Variants in PATJ observed in about 807,000 individuals in gnomAD.
PATJ encodes the protein inaD-like protein.
Under a neutral mutation model 224.9 loss-of-function variants are expected in PATJ, and 190 were observed. The observed-to-expected ratio is 0.84, with a 90% CI of 0.75 to 0.95. The LOEUF (loss-of-function observed/expected upper bound fraction) is 0.95. PATJ is among the 40% of genes least tolerant of loss of function. The pLI, the probability that PATJ is intolerant of heterozygous loss-of-function variation, is 0.00. For missense variants in PATJ, 2,121 were observed against 2,270.3 expected (o/e 0.93, Z 1.34); for synonymous variants, 769 against 820.3 (o/e 0.94, Z 1.07).
chr1:61,916,871 G>A (rs66606678), intron 26 of PATJ, among the ~76,000 whole-genome samples: 26,159 of 152,134 alleles, frequency 0.17, 2,490 homozygotes, highest in Non-Finnish European at 0.21. Flanking sequence ...GTCCAAAACT[G>A]TCCTCTTGTG....
chr1:61,875,513 A>G, intron 21 of PATJ, 147 bp downstream of exon 21: 1 of 582,052 alleles, frequency 1.7e-6, no homozygotes, highest in South Asian at 2.3e-5. Context: ...TCTGCTTCAG[A>G]ATTACCTGAA....
chr1:62,106,079 T>TACACACACAC (rs1229837123), intron 33 of PATJ, among the ~76,000 whole-genome samples: 376 of 20,756 alleles, frequency 0.018, 24 homozygotes, highest in African/African-American at 0.031. Flanking sequence ...TATATATATA[T>TACACACACAC]ACACACACAC....
In PATJ at chr1:61,886,785, A is replaced by G. The variant is rs1470856299; in HGVS notation, c.3131+2377A>G. On this transcript the variant is annotated intron_variant, in intron 22 of 43. Transcript: ENST00000642238. ...CAGTGAGCCGAGATCGTGCCACTGC[A>G]CTCCAGCCTGGGCAACAGAGCAAGA... 1.4e-5 allele frequency among the ~76,000 whole-genome samples: 2 copies of G among 142,730 alleles called. 1 individual carries two copies. The highest frequency in any genetic ancestry group is 3.1e-5 in the Non-Finnish European group (2 of 65,154). 93.6% of individuals were successfully genotyped at this position (142,730 alleles called of 152,430 possible).
intron 31 of PATJ, among the ~76,000 whole-genome samples, chr1:62,064,359 C>G (rs1238235413): frequency 1.4e-5 from 2 of 146,434 alleles, no homozygotes; most frequent in Non-Finnish European, 3.0e-5. Flanking sequence ...GAGTCTTACT[C>G]TGATGCCCAG....
intron 41 of PATJ, among the ~76,000 whole-genome samples, chr1:62,145,818 C>T (rs1318750084): frequency 5.9e-5 from 9 of 151,516 alleles, no homozygotes; most frequent in Admixed American, 2.0e-4. Context: ...ATTAGCCAGG[C>T]ATGGTGGCAT....
intron 37 of PATJ, among the ~76,000 whole-genome samples, chr1:62,119,920 G>T (rs754716837): frequency 1.3e-5 from 2 of 152,122 alleles, no homozygotes; most frequent in Non-Finnish European, 2.9e-5. Flanking sequence ...CTACAGCCTG[G>T]GTGACAGAGG....
intron 6 of PATJ, among the ~76,000 whole-genome samples, chr1:61,773,936 C>T (rs1248108351): frequency 3.3e-5 from 5 of 151,566 alleles, no homozygotes; most frequent in Admixed American, 2.0e-4. Flanking sequence ...CTGGCTAACA[C>T]GGTGAAACCC....
At chr1:61,772,102 G>A (rs1460644065) in intron 6 of PATJ, among the ~76,000 whole-genome samples, 1 of 143,486 alleles carries the variant, frequency 7.0e-6, no homozygotes, top group Non-Finnish European at 1.5e-5. Context: ...GTTTCATGAC[G>A]GTCGTTTTTT....
At chr1:61,886,591 G>C (rs1173448146) in intron 22 of PATJ, among the ~76,000 whole-genome samples, 1 of 151,858 alleles carries the variant, frequency 6.6e-6, no homozygotes, top group Non-Finnish European at 1.5e-5. Flanking sequence ...AGGCTGAGGT[G>C]GGTAGATCAC....
intron 14 of PATJ, among the ~76,000 whole-genome samples, chr1:61,820,048 T>A (rs55645478): frequency 0.035 from 5,323 of 152,242 alleles, 129 homozygotes; most frequent in Middle Eastern, 0.059. Context: ...TTAATTTATT[T>A]ATTTATTTTT....
At chr1:61,836,766 A>G (rs925376818) in intron 17 of PATJ, among the ~76,000 whole-genome samples, 1 of 152,232 alleles carries the variant, frequency 6.6e-6, no homozygotes, top group Non-Finnish European at 1.5e-5. Context: ...GGTTTAGCAA[A>G]AGCCATGAAA....
At chr1:61,931,888 G>C (rs1676082869) in intron 27 of PATJ, among the ~76,000 whole-genome samples, 1 of 152,166 alleles carries the variant, frequency 6.6e-6, no homozygotes, top group South Asian at 2.1e-4. Flanking sequence ...AACCAGTATA[G>C]ATGCACACAT....
At chr1:61,770,921 A>G (rs1646565961) in intron 5 of PATJ, among the ~76,000 whole-genome samples, 1 of 152,024 alleles carries the variant, frequency 6.6e-6, no homozygotes, top group African/African-American at 2.4e-5. Flanking sequence ...GAAAAAAAAA[A>G]AAAAAAGCTC....
chr1:62,092,345 A>C (rs981538110), intron 33 of PATJ, among the ~76,000 whole-genome samples: 3 of 152,048 alleles, frequency 2.0e-5, no homozygotes, highest in Non-Finnish European at 4.4e-5. Flanking sequence ...GCACCACTAC[A>C]TTCCGGCCTG....
intron 28 of PATJ, among the ~76,000 whole-genome samples, chr1:62,002,294 T>C (rs1645820837): frequency 6.6e-6 from 1 of 152,172 alleles, no homozygotes; most frequent in Admixed American, 6.5e-5. Context: ...TTCTCTTTCA[T>C]GGTGGGTAGT....
intron 27 of PATJ, among the ~76,000 whole-genome samples, chr1:61,953,416 A>G (rs1049125440): frequency 1.3e-5 from 2 of 152,248 alleles, no homozygotes; most frequent in African/African-American, 2.4e-5. Context: ...ATTTGTGGCT[A>G]TGCTGTCAAA....
At chr1:62,038,486 GAT>G (rs978061173) in intron 30 of PATJ, 4 of 159,514 alleles carry the variant, frequency 2.5e-5, no homozygotes, top group African/African-American at 9.6e-5. Flanking sequence ...TTCTGGAGTA[GAT>G]AGATAAAGAA....
chr1:61,999,339 G>T (rs1401747088), intron 28 of PATJ, among the ~76,000 whole-genome samples: 2 of 152,130 alleles, frequency 1.3e-5, no homozygotes, highest in African/African-American at 4.8e-5. Flanking sequence ...TCTTAGAATT[G>T]AGAGAAGTTT....
intron 7 of PATJ, among the ~76,000 whole-genome samples, chr1:61,777,015 G>A (rs560231048): frequency 0.024 from 3,613 of 152,032 alleles, 78 homozygotes; most frequent in South Asian, 0.084. Context: ...GTGAGCCACC[G>A]CACCCAGCCA....
Sources: allele counts gnomAD v4.1 joint callset (sites outside exome capture counted in the v4.1 genomes callset), GRCh38; gene constraint gnomAD v4.1.1; transcripts MANE v1.5; gene names NCBI Gene and HGNC (gene_info 2026-07-23, HGNC 2026-07-21).